Variants in NEK11 observed in about 807,000 individuals in gnomAD.
The protein encoded by NEK11 is NIMA related kinase 11.
Under a neutral mutation model 80.7 loss-of-function variants are expected in NEK11, and 72 were observed. The ratio of observed to expected loss-of-function variants is 0.89; its 90% CI spans 0.74 to 1.08. The LOEUF is 1.08. NEK11 is among the 50% of genes least tolerant of loss of function. The pLI, the probability that NEK11 is intolerant of heterozygous loss-of-function variation, is 0.00. For synonymous variants in NEK11, 251 were observed against 260.7 expected (o/e 0.96, Z 0.36); for missense variants, 764 against 763.6 (o/e 1.00, Z -0.01).
intron 10 of NEK11, among the ~76,000 whole-genome samples, chr3:131,155,994 C>T (rs972992512): frequency 5.3e-5 from 8 of 152,076 alleles, no homozygotes; most frequent in East Asian, 1.9e-4. Context: ...TTTCAAGAAA[C>T]GTCGAAATTT....
chr3:131,341,200 G>A (rs1016294462), intron 17 of NEK11, among the ~76,000 whole-genome samples: 16 of 152,040 alleles, frequency 1.1e-4, no homozygotes, highest in Admixed American at 2.0e-4. Flanking sequence ...AAATTTACAC[G>A]GCAATATTCC....
At chr3:131,099,574 C>G (rs2078045714) in intron 4 of NEK11, among the ~76,000 whole-genome samples, 1 of 151,706 alleles carries the variant, frequency 6.6e-6, no homozygotes, top group East Asian at 2.0e-4. Flanking sequence ...GCTATTTTAA[C>G]AGTATTGATT....
rs189897374 is a variant in NEK11 at position 131,307,828 on chromosome 3, G to A, written c.1718+34254G>A. Among the ~76,000 whole-genome samples the A allele has an allele frequency of 2.6e-5, 4 of 152,244 alleles. No homozygotes were observed. The East Asian group carries it at 5.8e-4, about 22-fold the overall frequency. ...ACTGCAGTGTGAATTTTGTAAAGGCGGTTTCTTTGGTGACAAAAAGCTGTT... is the reference window on the plus strand; with the variant it reads ...ACTGCAGTGTGAATTTTGTAAAGGCAGTTTCTTTGGTGACAAAAAGCTGTT... On this transcript the variant is annotated intron_variant, in intron 17 of 17. Transcript: ENST00000383366.
chr3:131,266,041 C>A (rs1394107932), intron 16 of NEK11, among the ~76,000 whole-genome samples: 2 of 152,180 alleles, frequency 1.3e-5, no homozygotes, highest in Non-Finnish European at 2.9e-5. Context: ...GTTTGTATTT[C>A]TGTGGAATCA....
chr3:131,177,484 T>A (rs1342104343), intron 14 of NEK11, among the ~76,000 whole-genome samples: 1 of 152,176 alleles, frequency 6.6e-6, no homozygotes, highest in Middle Eastern at 3.2e-3. Flanking sequence ...AGATATAGAA[T>A]GGTTAGATGG....
intron 17 of NEK11, among the ~76,000 whole-genome samples, chr3:131,277,594 A>G (rs1443519984): frequency 6.6e-6 from 1 of 152,208 alleles, no homozygotes; most frequent in East Asian, 1.9e-4. Flanking sequence ...GTGGCAACAC[A>G]CCTGGTGATC....
At chr3:131,215,602 GAGA>G (rs766956738) in intron 14 of NEK11, among the ~76,000 whole-genome samples, 5 of 152,144 alleles carry the variant, frequency 3.3e-5, no homozygotes, top group Admixed American at 6.5e-5. Flanking sequence ...TCTTACAGAT[GAGA>G]AGATTTGATT....
At chr3:131,289,532 C>A (rs1394778469) in intron 17 of NEK11, among the ~76,000 whole-genome samples, 4 of 152,212 alleles carry the variant, frequency 2.6e-5, no homozygotes, top group African/African-American at 9.7e-5. Context: ...ATGGCAGTAG[C>A]ATCAAATGCC....
chr3:131,070,017 A>G (rs1342608532), intron 3 of NEK11, among the ~76,000 whole-genome samples: 1 of 152,250 alleles, frequency 6.6e-6, no homozygotes, highest in Non-Finnish European at 1.5e-5. Context: ...ATTCATTAGA[A>G]TATTGCATTT....
At chr3:131,147,375 A>C (rs1290537981) in intron 7 of NEK11, among the ~76,000 whole-genome samples, 1 of 152,078 alleles carries the variant, frequency 6.6e-6, no homozygotes, top group Non-Finnish European at 1.5e-5. Context: ...CAAGTGATTA[A>C]ATATGTGTGA....
At chr3:131,327,226 G>A (rs143569104) in intron 17 of NEK11, 2 of 152,446 alleles carry the variant, frequency 1.3e-5, no homozygotes, top group African/African-American at 4.8e-5. Flanking sequence ...CATTTCTACA[G>A]TCTGTGAGCC....
intron 17 of NEK11, among the ~76,000 whole-genome samples, chr3:131,289,691 A>G (rs1412640912): frequency 6.6e-6 from 1 of 151,904 alleles, no homozygotes; most frequent in Non-Finnish European, 1.5e-5. Flanking sequence ...CCTAGGTCTC[A>G]GGTTCTAGGT....
At chr3:131,048,414 G>C (rs896530994) in intron 3 of NEK11, among the ~76,000 whole-genome samples, 1 of 152,208 alleles carries the variant, frequency 6.6e-6, no homozygotes, top group Admixed American at 6.5e-5. Flanking sequence ...AAGGACCCCT[G>C]TGAGACAAAG....
intron 15 of NEK11, among the ~76,000 whole-genome samples, chr3:131,230,782 G>A (rs1389278171): frequency 1.3e-5 from 2 of 152,086 alleles, no homozygotes; most frequent in African/African-American, 4.8e-5. Context: ...ATATGGTTTG[G>A]CTATATCCCC....
At chr3:131,146,820 C>A (rs1048091053) in intron 7 of NEK11, among the ~76,000 whole-genome samples, 2 of 152,180 alleles carry the variant, frequency 1.3e-5, no homozygotes, top group African/African-American at 4.8e-5. Context: ...TGAGCGTCTT[C>A]TCATGACTTT....
chr3:131,027,731 A>T (rs529872109), intron 1 of NEK11, 199 bp from the exon 2 acceptor site: 1 of 131,640 alleles, frequency 7.6e-6, no homozygotes, highest in East Asian at 2.5e-4. Flanking sequence ...AATGGAATGG[A>T]TGACCTAAAA....
chr3:131,127,422 T>G (rs1422424257), intron 5 of NEK11, among the ~76,000 whole-genome samples: 1 of 151,714 alleles, frequency 6.6e-6, no homozygotes, highest in Non-Finnish European at 1.5e-5. Context: ...TGTTTCAGTT[T>G]TAGAATTTCC....
intron 3 of NEK11, among the ~76,000 whole-genome samples, chr3:131,035,637 A>T (rs969110234): frequency 6.6e-6 from 1 of 152,222 alleles, no homozygotes; most frequent in African/African-American, 2.4e-5. Context: ...AGATAGATCT[A>T]TAAACCATGA....
intron 7 of NEK11, among the ~76,000 whole-genome samples, chr3:131,148,470 GTT>G (rs1445946700): frequency 2.0e-5 from 3 of 151,858 alleles, no homozygotes; most frequent in Non-Finnish European, 4.4e-5. Flanking sequence ...TGGTCCTGGA[GTT>G]TTTCTTTGCA....
Sources: allele counts gnomAD v4.1 joint callset (sites outside exome capture counted in the v4.1 genomes callset), GRCh38; gene constraint gnomAD v4.1.1; transcripts MANE v1.5; gene names NCBI Gene and HGNC (gene_info 2026-07-23, HGNC 2026-07-21).